Variants in MYCBP2 observed in about 807,000 individuals in gnomAD.
The protein encoded by MYCBP2 is MYC binding protein 2, also known as E3 ubiquitin-protein ligase MYCBP2.
A neutral mutation model predicts 525.3 loss-of-function variants in MYCBP2; 120 were observed. The observed-to-expected ratio is 0.23, with a 90% CI of 0.20 to 0.27. The LOEUF (loss-of-function observed/expected upper bound fraction) is 0.27, where lower values mean the gene tolerates loss of function less well. MYCBP2 is among the 10% of genes least tolerant of loss of function. MYCBP2 has a pLI of 1.00. For synonymous variants in MYCBP2, 1,894 were observed against 1,955.8 expected (o/e 0.97, Z 0.83); for missense variants, 4,149 against 5,657.1 (o/e 0.73, Z 8.55).
chr13:77,114,899 T>C (rs2049452066), intron 55 of MYCBP2, among the ~76,000 whole-genome samples: 1 of 151,988 alleles, frequency 6.6e-6, no homozygotes, highest in East Asian at 1.9e-4. Flanking sequence ...GAACAGTAGG[T>C]AGAAAGTGAT....
intron 79 of MYCBP2, 33 bp from the exon 80 acceptor site, chr13:77,055,800 T>A: frequency 6.6e-7 from 1 of 1,510,500 alleles, no homozygotes. Flanking sequence ...TTTAGCAGAA[T>A]CATTTATTAA....
In MYCBP2 at chr13:77,064,624, T is replaced by A. The variant is rs1474878310; in HGVS notation, c.12663A>T (p.Ala4221=). Residue 4221 remains alanine (A), a synonymous_variant, in exon 73 of 83, where the codon GCA becomes GCT. Coordinates refer to ENST00000544440, the MANE Select transcript of MYCBP2 (RefSeq NM_015057.5). ...EEFRSPVRCI[A]TTRLWLALAS... is the part of the protein sequence containing the mutation. ...ACAAAGCAAAACCTACTCTAGTTGT[T>A]GCAATACATCTCACTGGAGACCTAA... is the stretch of plus-strand genomic sequence containing the variant. The A allele has an allele frequency of 6.2e-7, 1 of 1,610,276 alleles. No individual in the cohort carries two copies. Among genetic ancestry groups the A allele is most frequent in the East Asian group, 2.2e-5 (1 of 44,658 alleles).
intron 2 of MYCBP2, among the ~76,000 whole-genome samples, chr13:77,292,403 C>G (rs1241773397): frequency 6.6e-6 from 1 of 151,868 alleles, no homozygotes; most frequent in Non-Finnish European, 1.5e-5. Flanking sequence ...CCCAAGAAAA[C>G]TGAACACACA....
intron 45 of MYCBP2, among the ~76,000 whole-genome samples, chr13:77,156,448 T>A (rs2057225380): frequency 6.6e-6 from 1 of 152,216 alleles, no homozygotes; most frequent in Non-Finnish European, 1.5e-5. Flanking sequence ...AAATACTTTT[T>A]AAAACCAGGA....
intron 1 of MYCBP2, among the ~76,000 whole-genome samples, chr13:77,307,635 A>AG (rs1192312047): frequency 7.4e-6 from 1 of 135,154 alleles, no homozygotes; most frequent in Non-Finnish European, 1.7e-5. Flanking sequence ...CAAAAAAAAA[A>AG]AAAAAAAAAA....
intron 50 of MYCBP2, 152 bp from the exon 51 acceptor site, chr13:77,140,315 A>T: frequency 1.9e-6 from 1 of 532,468 alleles, no homozygotes; most frequent in Non-Finnish European, 3.3e-6. Context: ...TGCAAATAAC[A>T]GTATAACAAC....
intron 45 of MYCBP2, among the ~76,000 whole-genome samples, chr13:77,157,671 G>A (rs2057377181): frequency 6.6e-6 from 1 of 152,072 alleles, no homozygotes; most frequent in African/African-American, 2.4e-5. Flanking sequence ...AATCGCTTGA[G>A]TCCAGGAAGT....
chr13:77,212,804 T>C (rs1449369418), intron 21 of MYCBP2, among the ~76,000 whole-genome samples: 2 of 152,170 alleles, frequency 1.3e-5, no homozygotes, highest in Non-Finnish European at 2.9e-5. Context: ...GGTAAGAGTT[T>C]AATTTAAAAA....
At chr13:77,101,510 G>C (rs1444760007) in intron 55 of MYCBP2, among the ~76,000 whole-genome samples, 3 of 151,994 alleles carry the variant, frequency 2.0e-5, no homozygotes, top group African/African-American at 4.8e-5. Context: ...CAAATACCAG[G>C]AACACCACTT....
At chr13:77,247,705 T>C (rs894097534) in intron 15 of MYCBP2, among the ~76,000 whole-genome samples, 10 of 152,164 alleles carry the variant, frequency 6.6e-5, no homozygotes, top group African/African-American at 2.2e-4. Context: ...TGGTGTGGCA[T>C]AAAGACAGTC....
chr13:77,170,537 G>A (rs1224436416), intron 38 of MYCBP2, among the ~76,000 whole-genome samples: 8 of 150,978 alleles, frequency 5.3e-5, no homozygotes, highest in Admixed American at 5.3e-4. Flanking sequence ...GTTAAACTAG[G>A]TTTAGGAATT....
chr13:77,275,981 C>T (rs901457761), intron 4 of MYCBP2, among the ~76,000 whole-genome samples: 10 of 152,106 alleles, frequency 6.6e-5, no homozygotes, highest in Non-Finnish European at 2.9e-5. Context: ...GAGACTCCGT[C>T]TCAAAAAACA....
chr13:77,131,380 A>G (rs2052763771), intron 52 of MYCBP2, among the ~76,000 whole-genome samples: 1 of 152,016 alleles, frequency 6.6e-6, no homozygotes, highest in African/African-American at 2.4e-5. Flanking sequence ...ATAGCTCGGC[A>G]TGGTAGTACA....
chr13:77,168,684 C>T (rs767668117), intron 39 of MYCBP2, 38 bp from the exon 40 acceptor site: 5 of 1,574,214 alleles, frequency 3.2e-6, no homozygotes, highest in African/African-American at 1.4e-5. Context: ...ATGAGATACA[C>T]GTGAAAGTGG....
rs760115540 is a variant in MYCBP2, at chr13:77,061,254, A to G, written c.12951T>C (p.Gly4317=). The change falls in exon 76 of 83, where the codon GGT becomes GGC. Residue 4317 remains glycine, a synonymous_variant. Coordinates refer to ENST00000544440, the MANE Select transcript of MYCBP2 (RefSeq NM_015057.5). ...ACCAGAACAATTTGGTTCTACCACA[A>G]CCTTCATGAAGGTCAACCTTTATAG... ...EEAIKVDLHE[G]CGRTKLFWLM... is the part of the protein sequence containing the mutation. 6.2e-7 allele frequency: 1 copy of G among 1,612,154 alleles called. No individual in the cohort carries two copies. The highest frequency in any genetic ancestry group is 8.5e-7 in the Non-Finnish European group (1 of 1,179,070).
At chr13:77,103,950 A>G (rs1029992294) in intron 55 of MYCBP2, among the ~76,000 whole-genome samples, 1 of 152,160 alleles carries the variant, frequency 6.6e-6, no homozygotes, top group South Asian at 2.1e-4. Flanking sequence ...AAGAAAATTT[A>G]TAAGTTATTG....
chr13:77,115,404 C>G (rs1392594742), intron 55 of MYCBP2, among the ~76,000 whole-genome samples: 1 of 151,790 alleles, frequency 6.6e-6, no homozygotes, highest in Non-Finnish European at 1.5e-5. Flanking sequence ...AAAGAAAATT[C>G]TATATACATA....
intron 2 of MYCBP2, among the ~76,000 whole-genome samples, chr13:77,290,161 A>C (rs1317592124): frequency 6.6e-6 from 1 of 152,218 alleles, no homozygotes; most frequent in Non-Finnish European, 1.5e-5. Context: ...GGAAAATGCA[A>C]ATTAAAATGA....
intron 44 of MYCBP2, among the ~76,000 whole-genome samples, chr13:77,160,634 T>C (rs1189571017): frequency 6.6e-6 from 1 of 152,156 alleles, no homozygotes; most frequent in African/African-American, 2.4e-5. Flanking sequence ...GAAGTGTAAT[T>C]ATAAAAACAG....
Sources: allele counts gnomAD v4.1 joint callset (sites outside exome capture counted in the v4.1 genomes callset), GRCh38; gene constraint gnomAD v4.1.1; transcripts MANE v1.5; gene names NCBI Gene and HGNC (gene_info 2026-07-23, HGNC 2026-07-21).